Variants in OSTM1 observed in about 807,000 individuals in gnomAD.
OSTM1 encodes the protein osteopetrosis-associated transmembrane protein 1.
OSTM1 carries 26 observed loss-of-function variants against 35.4 expected under a neutral mutation model. The observed-to-expected ratio is 0.73, with a 90% CI of 0.54 to 1.02. OSTM1 has a LOEUF of 1.02. Ranked by LOEUF, OSTM1 falls within the 50% of genes least tolerant of loss-of-function variation. The pLI is 0.00. For synonymous variants in OSTM1, 181 were observed against 165.0 expected (o/e 1.10, Z -0.75); for missense variants, 366 against 409.6 (o/e 0.89, Z 0.92).
At position 108,074,730 on chromosome 6, in the gene OSTM1, GT is replaced by G. The variant is rs1379101788; in HGVS notation, c.-80del. The G allele has an allele frequency of 7.2e-7, 1 of 1,397,996 alleles. No homozygotes were observed. Among genetic ancestry groups the G allele is most frequent in the African/African-American group, 1.5e-5 (1 of 65,822 alleles). The allele number at this position is 1,397,996 out of a possible 1,614,324, so 86.6% of individuals were successfully genotyped here. A position where few individuals can be genotyped will look rare whatever the true frequency, so the allele number is the denominator to read the frequency against. ...GCACCGCGGACAGCCGCCGCTTCCG[GT>G]TTCCGCGAGCGCAGGCCGAGAGCCG... On this transcript the variant is annotated 5_prime_UTR_variant, in exon 1 of 6. Coordinates refer to ENST00000193322, the MANE Select transcript of OSTM1 (RefSeq NM_014028.4).
At chr6:108,060,242 C>T (rs1181893685) in intron 2 of OSTM1, among the ~76,000 whole-genome samples, 1 of 152,024 alleles carries the variant, frequency 6.6e-6, no homozygotes, top group Non-Finnish European at 1.5e-5. Context: ...TTTATTTGGT[C>T]CTCAGAAGTT....
At chr6:108,061,482 T>A (rs1050855320) in intron 2 of OSTM1, among the ~76,000 whole-genome samples, 7 of 151,980 alleles carry the variant, frequency 4.6e-5, no homozygotes, top group Admixed American at 4.6e-4. Context: ...TTGTAGTTTT[T>A]TTTTTTTTTT....
intron 2 of OSTM1, among the ~76,000 whole-genome samples, chr6:108,057,543 A>G (rs73762119): frequency 0.02 from 3,099 of 152,264 alleles, 49 homozygotes; most frequent in African/African-American, 0.043. Context: ...AGCAATAGCA[A>G]ATTTCTTCTA....
intron 5 of OSTM1, among the ~76,000 whole-genome samples, chr6:108,047,486 C>T (rs950909839): frequency 6.6e-6 from 1 of 152,186 alleles, no homozygotes; most frequent in Non-Finnish European, 1.5e-5. Flanking sequence ...ATTAAGCATT[C>T]CAAGTTAGTA....
chr6:108,064,286 C>T lies in OSTM1; in HGVS notation c.416G>A (p.Ser139Asn), dbSNP rs770600181. The T allele has an allele frequency of 3.2e-6, 5 of 1,545,774 alleles. No individual in the cohort carries two copies. The highest frequency in any genetic ancestry group is 4.5e-6 in the Non-Finnish European group (5 of 1,121,666). Residue 139 changes from serine to asparagine, a missense_variant, in exon 2 of 6, where the codon AGT becomes AAT. Coordinates refer to ENST00000193322, the MANE Select transcript of OSTM1 (RefSeq NM_014028.4). ...TAAGAGACTTCTGGCACAACTCTGACTCTCTGAAGTATTCTGTAACAAAAA... is the reference window on the plus strand; with the variant it reads ...TAAGAGACTTCTGGCACAACTCTGATTCTCTGAAGTATTCTGTAACAAAAA... Reference protein sequence around the residue: ...ISRAAGNTSESQSCARSLLMA... With the variant: ...ISRAAGNTSENQSCARSLLMA...
chr6:108,044,861 AT>A, intron 5 of OSTM1, 21 bp from the exon 6 acceptor site: 1 of 1,332,282 alleles, frequency 7.5e-7, no homozygotes, highest in Non-Finnish European at 1.0e-6. Flanking sequence ...CAAAAGAATT[AT>A]ATTTTAATTT....
At chr6:108,070,182 C>T (rs1772455726) in intron 1 of OSTM1, among the ~76,000 whole-genome samples, 1 of 152,130 alleles carries the variant, frequency 6.6e-6, no homozygotes. Context: ...GGATTACAGG[C>T]ACATGCCACT....
rs1771974026 is a variant in OSTM1 at position 108,046,390 on chromosome 6, G to A, written c.950-1550C>T. 2.1e-5 allele frequency among the ~76,000 whole-genome samples: 3 copies of A among 146,338 alleles called. No individual in the cohort carries two copies. In the Admixed American group the frequency reaches 2.1e-4, roughly 10 times the overall value. ...GGAGTCTCACTCTGTCGCCCAGGCT[G>A]GAGTGCAGTGGCGCGATCTCAGCTC... On this transcript the variant is annotated intron_variant, in intron 5 of 5. Transcript: ENST00000193322.
At chr6:108,063,153 C>T (rs1231489984) in intron 2 of OSTM1, among the ~76,000 whole-genome samples, 1 of 152,114 alleles carries the variant, frequency 6.6e-6, no homozygotes, top group African/African-American at 2.4e-5. Context: ...GCTAGGACTA[C>T]AGTCACACAC....
At chr6:108,047,013 C>T (rs964891099) in intron 5 of OSTM1, among the ~76,000 whole-genome samples, 7 of 152,206 alleles carry the variant, frequency 4.6e-5, no homozygotes, top group Admixed American at 4.6e-4. Context: ...CGGTGAATTT[C>T]AACACCTCTA....
chr6:108,053,757 C>A (rs1245395942), intron 3 of OSTM1, among the ~76,000 whole-genome samples: 1 of 152,202 alleles, frequency 6.6e-6, no homozygotes, highest in Non-Finnish European at 1.5e-5. Flanking sequence ...TGAGATACTG[C>A]ACCTGGCCCA....
At position 108,074,574 on chromosome 6, in the gene OSTM1, C is replaced by G. The variant is rs1267615771; in HGVS notation, c.78G>C (p.Ser26=). ...PWLPLGLLLW[S]GLALGALPFG... is the part of the protein sequence containing the mutation. ...AGGGGAGCGCGCCCAGGGCCAGCCC[C>G]GACCACAGCAGCAGCCCCAGCGGCA... is the stretch of plus-strand genomic sequence containing the variant. The change falls in exon 1 of 6, where the codon TCG becomes TCC. Residue 26 remains serine, a synonymous_variant. Coordinates refer to ENST00000193322, the MANE Select transcript of OSTM1 (RefSeq NM_014028.4). 9.6e-6 allele frequency: 15 copies of G among 1,565,182 alleles called. No individual in the cohort carries two copies. Among genetic ancestry groups the G allele is most frequent in the South Asian group, 2.3e-5 (2 of 86,016 alleles).
intron 1 of OSTM1, among the ~76,000 whole-genome samples, chr6:108,071,030 T>A (rs1312614469): frequency 1.5e-5 from 2 of 136,782 alleles, no homozygotes; most frequent in African/African-American, 2.7e-5. Flanking sequence ...TTACTAAAAA[T>A]ATAAAAAATC....
At chr6:108,072,571 T>C (rs1373716534) in intron 1 of OSTM1, among the ~76,000 whole-genome samples, 1 of 150,396 alleles carries the variant, frequency 6.6e-6, no homozygotes, top group Non-Finnish European at 1.5e-5. Flanking sequence ...AGGCGGAGAT[T>C]GCAGTGAGCC....
chr6:108,074,082 AGCCCCATAAT>A (rs780916918), intron 1 of OSTM1, among the ~76,000 whole-genome samples, 158 bp downstream of exon 1: 3 of 152,110 alleles, frequency 2.0e-5, no homozygotes, highest in Non-Finnish European at 4.4e-5. Context: ...CCAAATCCCA[AGCCCCATAAT>A]GCCACCCCCT....
chr6:108,074,436 C>G lies in OSTM1; in HGVS notation c.216G>C (p.Ser72=). 1 of 1,559,124 alleles carries G rather than the reference C, an allele frequency of 6.4e-7. No homozygotes were observed. Among genetic ancestry groups the G allele is most frequent in the East Asian group, 2.4e-5 (1 of 41,856 alleles). Residue 72 remains serine, a synonymous_variant, in exon 1 of 6, where the codon TCG becomes TCC. Transcript: ENST00000193322. ...LLQGGGLGPL[S]LPPDLPDLDP... ...CCAGATCCGGCAGGTCCGGGGGCAG[C>G]GACAGAGGCCCCAGCCCTCCACCCT...
At chr6:108,049,827 C>T (rs1349112771) in intron 4 of OSTM1, among the ~76,000 whole-genome samples, 2 of 152,156 alleles carry the variant, frequency 1.3e-5, no homozygotes. Context: ...TAAAAACAAA[C>T]AAAAAGCCAC....
Position 108,064,244 on chromosome 6 carries a change from T to C in OSTM1, c.458A>G (p.Gln153Arg). 6.2e-7 allele frequency: 1 copy of C among 1,607,460 alleles called. No individual in the cohort carries two copies. The highest frequency in any genetic ancestry group is 1.1e-5 in the South Asian group (1 of 90,986). The change falls in exon 2 of 6, where the codon CAA becomes CGA. Residue 153 changes from glutamine to arginine, a missense_variant. By Grantham distance (43) the Gln-to-Arg change is conservative. Around this residue, in one of 3 missense-constraint regions of OSTM1, gnomAD observed 236 missense variants for 239.3 expected, o/e 0.99. Coordinates refer to ENST00000193322, the MANE Select transcript of OSTM1 (RefSeq NM_014028.4). The part of the protein sequence containing the change: ...ARSLLMADRM[Q>R]IVVILSEFFN... The stretch of plus-strand genomic sequence containing the variant: ...AAATTCTGAGAGAATCACAACTATT[T>C]GCATTCTATCTGCCATTAAGAGACT...
chr6:108,064,052 C>G, intron 2 of OSTM1, 133 bp downstream of exon 2: 1 of 656,968 alleles, frequency 1.5e-6, no homozygotes, highest in Non-Finnish European at 2.7e-6. Context: ...ACCATGGTGT[C>G]CATGACAGTT....
Sources: gnomAD v4.1 joint callset for allele counts (sites outside exome capture counted in the v4.1 genomes callset) on GRCh38, gnomAD v4.1.1 for gene constraint, gnomAD v4.1.1 regional missense constraint, MANE v1.5 for transcripts, NCBI Gene and HGNC (gene_info 2026-07-23, HGNC 2026-07-21) for gene names.